Variants in RGS11 observed in about 807,000 individuals in gnomAD.
RGS11 encodes regulator of G-protein signaling 11.
Under a neutral mutation model 71.1 loss-of-function variants are expected in RGS11, and 86 were observed. That is an observed-to-expected ratio of 1.21 (90% CI 1.02 to 1.45). RGS11 has a LOEUF of 1.45. Among genes scored for constraint, RGS11 ranks in the 40% most tolerant of loss-of-function variants. The probability of loss-of-function intolerance (pLI) is 0.00; values close to 1 mark genes in which losing one functional copy is unlikely to be tolerated. For missense variants in RGS11, 734 were observed against 635.1 expected (o/e 1.16, Z -1.67); for synonymous variants, 298 against 254.2 (o/e 1.17, Z -1.64).
Position 275,100 on chromosome 16 carries a change from G to C in RGS11, c.212-18C>G. On this transcript the variant is annotated intron_variant, in intron 3 of 16. Transcript: ENST00000397770. ...CAGGGCCTCTGGGGAGGGGTGGGAC[G>C]GTGAGCGCGGGGCCGCGGAAGCGGG... 1 of 1,478,144 alleles carries C rather than the reference G, an allele frequency of 6.8e-7. No homozygotes were observed. Among genetic ancestry groups the C allele is most frequent in the Non-Finnish European group, 9.0e-7 (1 of 1,115,966 alleles). 91.6% of individuals were successfully genotyped at this position (1,478,144 alleles called of 1,614,324 possible). A position where few individuals can be genotyped will look rare whatever the true frequency, so the allele number is the denominator to read the frequency against.
chr16:271,462 T>C lies in RGS11; in HGVS notation c.688-2A>G. 6.2e-7 allele frequency: 1 copy of C among 1,613,762 alleles called. No individual in the cohort carries two copies. The highest frequency in any genetic ancestry group is 1.1e-5 in the South Asian group (1 of 91,082). On this transcript the variant is annotated splice_acceptor_variant, in intron 10 of 16. Coordinates refer to ENST00000397770, the MANE Select transcript of RGS11 (RefSeq NM_183337.3). LOFTEE classifies it high-confidence loss of function. ...CAGCGCTTTCCTGAAGTACTCGATC[T>C]AGGATGTGGGGCCTGTGAGTCAGGT...
intron 9 of RGS11, chr16:271,977 C>CA (rs1245093014): frequency 3.4e-6 from 1 of 295,364 alleles, no homozygotes; most frequent in African/African-American, 2.2e-5. Context: ...GCTGGGACTA[C>CA]AGGCATGCGC....
intron 4 of RGS11, 156 bp from the exon 5 acceptor site, chr16:274,421 C>G (rs2052075005): frequency 2.8e-6 from 2 of 709,474 alleles, no homozygotes; most frequent in African/African-American, 3.6e-5. Context: ...CCACTGACCA[C>G]TGGCCAGTCT....
chr16:271,743 C>T (rs903384432), intron 9 of RGS11, 174 bp from the exon 10 acceptor site: 54 of 639,468 alleles, frequency 8.4e-5, no homozygotes, highest in East Asian at 5.2e-4. Context: ...AGGGATCTTT[C>T]GAGGAGACCT....
rs970665674 is a variant in RGS11 at position 268,801 on chromosome 16, G to A, written c.*468C>T. On this transcript the variant is annotated 3_prime_UTR_variant, in exon 17 of 17. Coordinates refer to ENST00000397770, the MANE Select transcript of RGS11 (RefSeq NM_183337.3). Reference sequence around the variant, plus strand: ...GCTCACACTGGGCGACAGCGGAGAGGCTCTTGGACGGGGCAGAGCTCGCGC... The same window carrying A: ...GCTCACACTGGGCGACAGCGGAGAGACTCTTGGACGGGGCAGAGCTCGCGC... 1.9e-6 allele frequency: 3 copies of A among 1,550,234 alleles called. No individual in the cohort carries two copies. The highest frequency in any genetic ancestry group is 2.6e-6 in the Non-Finnish European group (3 of 1,146,990).
chr16:274,402 C>T (rs1020978127), intron 4 of RGS11, 137 bp from the exon 5 acceptor site: 9 of 879,674 alleles, frequency 1.0e-5, no homozygotes, highest in Non-Finnish European at 1.4e-5. Flanking sequence ...TGCCCACCAC[C>T]GAGAGACTCC....
rs760449288 is a variant in RGS11 at position 271,056 on chromosome 16, T to C, written c.907A>G (p.Ser303Gly). Residue 303 changes from serine (S) to glycine (G), a missense_variant, in exon 13 of 17, where the codon AGC becomes GGC. Coordinates refer to ENST00000397770, the MANE Select transcript of RGS11 (RefSeq NM_183337.3). ...GGGTCCTCCAGGAGCTCCCGGAAGC[T>C]GAAGCCCCATCTCTCCACACGGAGC... ...TKLRVERWGF[S>G]FRELLEDPVG... 2 of 1,612,416 alleles carry C rather than the reference T, an allele frequency of 1.2e-6. No homozygotes were observed. The highest frequency in any genetic ancestry group is 3.3e-5 in the Admixed American group (2 of 60,008).
At position 268,951 on chromosome 16, in the gene RGS11, A is replaced by G; in HGVS notation, c.*318T>C. On this transcript the variant is annotated 3_prime_UTR_variant, in exon 17 of 17. Coordinates refer to ENST00000397770, the MANE Select transcript of RGS11 (RefSeq NM_183337.3). ...GATGGGGATGGGCACCCAGTGCTGG[A>G]CTGAAGACCAGAGAAGGTGGAGCTC... 1 of 1,549,968 alleles carries G rather than the reference A, an allele frequency of 6.5e-7. No individual in the cohort carries two copies. Among genetic ancestry groups the G allele is most frequent in the East Asian group, 2.4e-5 (1 of 40,918 alleles).
In RGS11 at chr16:274,090, C is replaced by CTG. The variant is rs1567240415; in HGVS notation, c.381_382insCA (p.Ala128GlnfsTer35). 7 of 1,552,134 alleles carry CTG rather than the reference C, an allele frequency of 4.5e-6. No individual in the cohort carries two copies. Among genetic ancestry groups the CTG allele is most frequent in the Non-Finnish European group, 6.1e-6 (7 of 1,147,740 alleles). On this transcript the variant is annotated frameshift_variant, in exon 6 of 17. Transcript: ENST00000397770. LOFTEE classifies it high-confidence loss of function. ...CCCCGTTTTCGGATGTTCTTCTTGG[C>CTG]CAGGTAGATGGCTGGAAGAACAGGG...
intron 7 of RGS11, 94 bp downstream of exon 7, chr16:273,666 G>A (rs928038203): frequency 1.8e-5 from 28 of 1,516,962 alleles, no homozygotes; most frequent in Admixed American, 8.6e-5. Context: ...TGCCCTCCAC[G>A]GTCCCAGGGC....
chr16:274,306 C>T (rs770548858), intron 4 of RGS11, 41 bp from the exon 5 acceptor site: 2 of 1,583,008 alleles, frequency 1.3e-6, no homozygotes, highest in Non-Finnish European at 1.7e-6. Flanking sequence ...ACGCCTGCGT[C>T]TGTGCCTCCC....
intron 9 of RGS11, chr16:272,396 T>G: frequency 7.7e-7 from 1 of 1,293,358 alleles, no homozygotes; most frequent in Non-Finnish European, 1.0e-6. Context: ...TCTTTCCAGA[T>G]GTTGGGTCTG....
chr16:274,124 C>T, intron 5 of RGS11, 23 bp from the exon 6 acceptor site: 1 of 1,559,508 alleles, frequency 6.4e-7, no homozygotes, highest in African/African-American at 1.4e-5. Flanking sequence ...GGACAGCCTG[C>T]AGAGGGGCCA....
intron 4 of RGS11, 125 bp from the exon 5 acceptor site, chr16:274,390 C>T (rs765384099): frequency 2.0e-6 from 2 of 995,970 alleles, no homozygotes; most frequent in South Asian, 1.5e-5. Flanking sequence ...GATCTCCCTG[C>T]CTGCCCACCA....
intron 9 of RGS11, chr16:272,087 C>G: frequency 1.0e-6 from 1 of 966,978 alleles, no homozygotes; most frequent in Non-Finnish European, 1.3e-6. Flanking sequence ...CTGCCCGCCT[C>G]AGCCTCCCAA....
At chr16:270,399 A>C in intron 15 of RGS11, 124 bp downstream of exon 15, 1 of 1,179,902 alleles carries the variant, frequency 8.5e-7, no homozygotes, top group Non-Finnish European at 1.2e-6. Context: ...CAGGTGGGGA[A>C]GGTGCTCCCC....
chr16:275,873 C>T lies in RGS11; in HGVS notation c.39G>A (p.Arg13=), dbSNP rs560936063. 13,637 of 967,064 alleles carry T rather than the reference C, an allele frequency of 0.014. 328 individuals are homozygous for T. Among genetic ancestry groups the T allele is most frequent in the South Asian group, 0.12 (2,583 of 21,398 alleles). The allele number at this position is 967,064 out of a possible 1,614,324, so 59.9% of individuals were successfully genotyped here. A position where few individuals can be genotyped will look rare whatever the true frequency, so the allele number is the denominator to read the frequency against. The change falls in exon 1 of 17, where the codon CGG becomes CGA. Residue 13 remains arginine, a synonymous_variant. Coordinates refer to ENST00000397770, the MANE Select transcript of RGS11 (RefSeq NM_183337.3). ...CCTTCCTCAGATGCGGCATCTGCGC[C>T]CGGGGGCGGCCGGGGGGCGGCGCGG... ...AGPAPPPGRP[R]AQMPHLRKME...
chr16:273,445 G>A (rs772999739), intron 8 of RGS11, 30 bp downstream of exon 8: 32 of 1,520,434 alleles, frequency 2.1e-5, no homozygotes, highest in Middle Eastern at 3.4e-4. Context: ...GCTGGCCAGC[G>A]ACCCCCACCC....
At chr16:274,359 G>A in intron 4 of RGS11, 94 bp from the exon 5 acceptor site, 1 of 1,400,490 alleles carries the variant, frequency 7.1e-7, no homozygotes, top group Non-Finnish European at 9.8e-7. Context: ...AGAAGCCTGG[G>A]CTGGGCAGGA....
Sources: gnomAD v4.1 joint callset for allele counts on GRCh38, gnomAD v4.1.1 for gene constraint, MANE v1.5 for transcripts, NCBI Gene and HGNC (gene_info 2026-07-23, HGNC 2026-07-21) for gene names.